SPDYC: variants seen among roughly 807,000 people sequenced by gnomAD.
SPDYC encodes speedy protein C.
Under a neutral mutation model 33.9 loss-of-function variants are expected in SPDYC, and 25 were observed. The observed-to-expected ratio is 0.74, with a 90% CI of 0.54 to 1.03. The LOEUF (loss-of-function observed/expected upper bound fraction) is 1.03, where lower values mean the gene tolerates loss of function less well. Ranked by LOEUF, SPDYC falls within the 50% of genes least tolerant of loss-of-function variation. SPDYC has a pLI of 0.00. For missense variants in SPDYC, 349 were observed against 382.9 expected, an observed-to-expected ratio of 0.91 and a Z score of 0.74; for synonymous variants, 133 against 140.2, an observed-to-expected ratio of 0.95 and a Z score of 0.36.
At chr11:65,170,343 C>T (rs1948418098) in intron 1 of SPDYC, 82 bp downstream of exon 1, 10 of 1,381,268 alleles carry the variant, frequency 7.2e-6, no homozygotes, top group South Asian at 1.6e-5. Context: ...GGTGGTCGAC[C>T]GCACGTTCTC....
exon 7 of SPDYC, chr11:65,173,209 G>C (rs1367223765): frequency 6.2e-7 from 1 of 1,613,778 alleles, no homozygotes; most frequent in Non-Finnish European, 8.5e-7. Flanking sequence ...GGCACGCCCT[G>C]GGCACTGAAG....
At chr11:65,173,238 A>G (rs763446613) in exon 7 of SPDYC, 1 of 1,612,426 alleles carries the variant, frequency 6.2e-7, no homozygotes, top group East Asian at 2.2e-5. Flanking sequence ...GGTGAAGAAC[A>G]GCACGCCTGC....
rs886963554 is a variant in SPDYC at position 65,172,620 on chromosome 11, C to G, written c.516+15C>G. On this transcript the variant is annotated intron_variant, in intron 5 of 6. Transcript: ENST00000377185. ...GCTGTGAGGAGGTGAGGCTGGGAGGCAACCTGGGGTGTGGGGAAGGCTGGG... is the reference window on the plus strand; with the variant it reads ...GCTGTGAGGAGGTGAGGCTGGGAGGGAACCTGGGGTGTGGGGAAGGCTGGG... The G allele has an allele frequency of 6.4e-7, 1 of 1,552,126 alleles. No homozygotes were observed. Among genetic ancestry groups the G allele is most frequent in the East Asian group, 2.3e-5 (1 of 44,336 alleles).
chr11:65,171,819 A>C, intron 2 of SPDYC, 124 bp from the exon 3 acceptor site: 1 of 846,314 alleles, frequency 1.2e-6, no homozygotes, highest in Non-Finnish European at 1.9e-6. Context: ...AGAAAGAGAA[A>C]AAGGGAGAAA....
rs1255065931 is a variant in SPDYC, at chr11:65,171,935, A to G, written c.200-8A>G. ...ACCTGCGTCCTGTCATGTCTTCTCTACCCTCAGAGGACAGTTTTGTCCAGG... is the reference window on the plus strand; with the variant it reads ...ACCTGCGTCCTGTCATGTCTTCTCTGCCCTCAGAGGACAGTTTTGTCCAGG... On this transcript the variant is annotated splice_polypyrimidine_tract_variant and splice_region_variant and intron_variant, in intron 2 of 6. Transcript: ENST00000377185. 1 of 1,613,830 alleles carries G rather than the reference A, an allele frequency of 6.2e-7. No homozygotes were observed. Among genetic ancestry groups the G allele is most frequent in the South Asian group, 1.1e-5 (1 of 91,062 alleles).
intron 1 of SPDYC, 31 bp from the exon 2 acceptor site, chr11:65,171,296 A>C (rs371935422): frequency 3.8e-6 from 6 of 1,584,872 alleles, no homozygotes; most frequent in Non-Finnish European, 5.1e-6. Context: ...ACGGGGGTAC[A>C]TGCTAAGTCC....
At chr11:65,172,280 G>A (rs745794194) in exon 4 of SPDYC, 32 of 1,613,992 alleles carry the variant, frequency 2.0e-5, no homozygotes, top group East Asian at 1.3e-4. Flanking sequence ...TACTTCCAGC[G>A]CGCCCACCTG....
rs749316251 is a variant in SPDYC, at chr11:65,172,737, C to G, written c.570C>G (p.His190Gln). The change falls in exon 6 of 7, where the codon CAC (histidine) becomes CAG (glutamine). Residue 190 changes from histidine to glutamine, a missense_variant. Physicochemically the swap from His to Gln is conservative, Grantham distance 24 (BLOSUM62 0). Coordinates refer to ENST00000377185, the Ensembl canonical transcript of SPDYC. ...CTTGGACTCGGGACCGGCGCCCCCA[C>G]CATGGTGGGGTTCAGAGGGTCTGTC... 18 of 1,613,422 alleles carry G rather than the reference C, an allele frequency of 1.1e-5. No homozygotes were observed. The East Asian group carries it at 4.0e-4, about 36-fold the overall frequency.
Position 65,171,517 on chromosome 11 carries a change from G to A in SPDYC, c.199+18G>A, listed in dbSNP as rs1948434027. ...CCTTCTGGGTGAGTTTGGAGGGCTG[G>A]CACGGGAGGGGCCGTGAGGTCAAGT... On this transcript the variant is annotated intron_variant, in intron 2 of 6. Transcript: ENST00000377185. The A allele has an allele frequency of 6.5e-7, 1 of 1,534,442 alleles. No individual in the cohort carries two copies. The highest frequency in any genetic ancestry group is 1.4e-5 in the African/African-American group (1 of 71,338).
chr11:65,170,376 C>G, intron 1 of SPDYC, 115 bp downstream of exon 1: 1 of 1,083,914 alleles, frequency 9.2e-7, no homozygotes, highest in Non-Finnish European at 1.2e-6. Context: ...GTTGGCTTCT[C>G]TCTCTCAGGG....
chr11:65,172,814 G>A, exon 6 of SPDYC: 1 of 1,614,110 alleles, frequency 6.2e-7, no homozygotes, highest in Non-Finnish European at 8.5e-7. Context: ...CCGCCCCACT[G>A]TTCCCCCTGT....
chr11:65,170,377 T>A, intron 1 of SPDYC, 116 bp downstream of exon 1: 1 of 1,064,452 alleles, frequency 9.4e-7, no homozygotes, highest in Non-Finnish European at 1.3e-6. Flanking sequence ...TTGGCTTCTC[T>A]CTCTCAGGGA....
exon 4 of SPDYC, chr11:65,172,308 C>A (rs774176507): frequency 3.7e-6 from 6 of 1,614,056 alleles, no homozygotes; most frequent in Non-Finnish European, 5.1e-6. Flanking sequence ...GCGAGTATAC[C>A]CACAGCAGCC....
intron 1 of SPDYC, among the ~76,000 whole-genome samples, chr11:65,170,536 T>C (rs1452121372): frequency 1.3e-5 from 2 of 151,964 alleles, no homozygotes; most frequent in Non-Finnish European, 2.9e-5. Flanking sequence ...AACTCTGCTT[T>C]GGTGAGGGGT....
chr11:65,173,208 T>G (rs759164883), exon 7 of SPDYC: 17 of 1,613,836 alleles, frequency 1.1e-5, no homozygotes, highest in East Asian at 2.2e-5. Context: ...CGGCACGCCC[T>G]GGGCACTGAA....
downstream of SPDYC, chr11:65,173,371 T>G (rs1948462487): frequency 1.1e-6 from 1 of 909,156 alleles, no homozygotes; most frequent in African/African-American, 1.7e-5. Flanking sequence ...GGACACCAAC[T>G]GTGCTTAGGT....
chr11:65,172,151 C>T, intron 3 of SPDYC, 95 bp from the exon 4 acceptor site: 1 of 1,542,324 alleles, frequency 6.5e-7, no homozygotes, highest in South Asian at 1.1e-5. Context: ...ACTTTCTTTC[C>T]CTGCAGCAAA....
chr11:65,172,684 G>C, exon 6 of SPDYC: 2 of 1,601,138 alleles, frequency 1.2e-6, no homozygotes, highest in Non-Finnish European at 1.7e-6. Context: ...CTCCTCCCAG[G>C]TCATGGCAAA....
At chr11:65,173,307 C>T, downstream of SPDYC, 1 of 1,479,316 alleles carries the variant, frequency 6.8e-7, no homozygotes. Context: ...TCCTCCCAGC[C>T]TGCAGCTTGT....
Sources: gnomAD v4.1 joint callset for allele counts (sites outside exome capture counted in the v4.1 genomes callset) on GRCh38, gnomAD v4.1.1 for gene constraint, MANE v1.5 for transcripts, NCBI Gene and HGNC (gene_info 2026-07-23, HGNC 2026-07-21) for gene names.